The following CCNH variants were observed in gnomAD, a reference collection of about 807,000 sequenced individuals.
The protein encoded by CCNH is cyclin H, also known as cyclin-H.
CCNH carries 31 observed loss-of-function variants against 41.9 expected under a neutral mutation model. The ratio of observed to expected loss-of-function variants is 0.74; its 90% confidence interval spans 0.56 to 1.00. CCNH has a LOEUF of 1.00. Among genes scored for constraint, CCNH ranks in the 50% least tolerant of loss-of-function variants. The pLI is 0.00. For missense variants in CCNH, 362 were observed against 388.4 expected, an observed-to-expected ratio of 0.93 and a Z score of 0.57; for synonymous variants, 138 against 136.1, an observed-to-expected ratio of 1.01 and a Z score of -0.10.
At chr5:87,369,676 TCTG>T in intron 9 of CCNH, 1 of 633,552 alleles carries the variant, frequency 1.6e-6, no homozygotes, top group East Asian at 2.9e-5. Context: ...TTAGTAATGA[TCTG>T]GTACAATGGA....
chr5:87,374,461 T>TA (rs200905236), downstream of CCNH: 1,549 of 151,776 alleles, frequency 0.01, 12 homozygotes, highest in East Asian at 0.061. Context: ...ATATATATAT[T>TA]TTTTTTTTTT....
intron 9 of CCNH, among the ~76,000 whole-genome samples, chr5:87,368,320 C>G (rs894068280): frequency 6.6e-6 from 1 of 151,978 alleles, no homozygotes; most frequent in Non-Finnish European, 1.5e-5. Flanking sequence ...TTTAAAGATA[C>G]AGTTTCTGGC....
chr5:87,411,490 AAT>A, intron 1 of CCNH, 144 bp from the exon 2 acceptor site: 1 of 671,380 alleles, frequency 1.5e-6, no homozygotes, highest in Non-Finnish European at 2.3e-6. Context: ...TAGATTCGCT[AAT>A]CATTACACAA....
At chr5:87,336,768 G>C (rs763186257) in intron 9 of CCNH, among the ~76,000 whole-genome samples, 3 of 151,990 alleles carry the variant, frequency 2.0e-5, no homozygotes, top group Non-Finnish European at 4.4e-5. Context: ...GCTTATTTAG[G>C]TGGTTCTAGA....
At chr5:87,363,769 CTTACT>C (rs1760296170) in intron 9 of CCNH, among the ~76,000 whole-genome samples, 1 of 152,018 alleles carries the variant, frequency 6.6e-6, no homozygotes, top group Non-Finnish European at 1.5e-5. Context: ...TTTTGAGTGA[CTTACT>C]TTGAGTCTTT....
intron 9 of CCNH, among the ~76,000 whole-genome samples, chr5:87,328,675 A>G (rs1757405009): frequency 6.6e-6 from 1 of 152,182 alleles, no homozygotes; most frequent in African/African-American, 2.4e-5. Flanking sequence ...GGGGCTAATT[A>G]GAATATATGA....
At chr5:87,389,263 G>A (rs375342837), downstream of CCNH, 19 of 1,175,528 alleles carry the variant, frequency 1.6e-5, no homozygotes, top group African/African-American at 1.2e-4. Flanking sequence ...CCCGGGAGGC[G>A]GAGGTTGCAG....
At chr5:87,337,710 C>CAATA (rs1454568982) in intron 9 of CCNH, among the ~76,000 whole-genome samples, 1 of 152,008 alleles carries the variant, frequency 6.6e-6, no homozygotes, top group African/African-American at 2.4e-5. Context: ...TTGAATCTAA[C>CAATA]AATAATTCAG....
At chr5:87,373,541 G>A (rs369957115), downstream of CCNH, among the ~76,000 whole-genome samples, 1 of 152,022 alleles carries the variant, frequency 6.6e-6, no homozygotes, top group Admixed American at 6.6e-5. Context: ...ATATTAGAAA[G>A]ATGAGGCTTA....
At chr5:87,371,313 T>C (rs553268223), downstream of CCNH, among the ~76,000 whole-genome samples, 12 of 152,256 alleles carry the variant, frequency 7.9e-5, no homozygotes, top group African/African-American at 2.9e-4. Context: ...GATTTGGTTT[T>C]AATTTGCTGT....
chr5:87,409,409 T>C (rs1259257595), intron 2 of CCNH, 46 bp from the exon 3 acceptor site: 2 of 1,114,564 alleles, frequency 1.8e-6, no homozygotes, highest in South Asian at 1.3e-5. Context: ...TCACAAATGT[T>C]AAATGTTAAA....
chr5:87,360,466 G>T (rs767748086), intron 9 of CCNH, among the ~76,000 whole-genome samples: 2 of 152,114 alleles, frequency 1.3e-5, no homozygotes, highest in Non-Finnish European at 2.9e-5. Flanking sequence ...AGAGTACAGT[G>T]TCCATTGCTC....
downstream of CCNH, among the ~76,000 whole-genome samples, chr5:87,390,294 G>A (rs1762405060): frequency 1.3e-5 from 2 of 152,174 alleles, no homozygotes; most frequent in African/African-American, 4.8e-5. Flanking sequence ...AGTTTCAGGA[G>A]ATAGTGAATG....
At position 87,370,126 on chromosome 5, in the gene CCNH, G is replaced by T. The variant is rs1187493265; in HGVS notation, c.*90+22644C>A. ...AGGAATGAAAACTCCATTTTAAATT[G>T]ACCTTTAAATACTCTATGATGTTGA... On this transcript the variant is annotated intron_variant and NMD_transcript_variant, in intron 9 of 9. Transcript: ENST00000645953. Among the ~76,000 whole-genome samples, 15 of 152,258 alleles carry T rather than the reference G, an allele frequency of 9.9e-5. 1 individual carries two copies. The East Asian group carries it at 2.5e-3, about 25-fold the overall frequency.
upstream of CCNH, chr5:87,377,316 A>G: frequency 2.2e-6 from 1 of 452,542 alleles, no homozygotes; most frequent in South Asian, 2.1e-5. Context: ...ACTGTTTGGC[A>G]TATTTATCTG....
chr5:87,390,972 A>T (rs1281716881), downstream of CCNH: 9 of 1,301,542 alleles, frequency 6.9e-6, no homozygotes, highest in Admixed American at 8.6e-5. Context: ...CTTGCCAAAA[A>T]ATAGCACACT....
At chr5:87,371,002 G>T (rs1760895565) in intron 9 of CCNH, among the ~76,000 whole-genome samples, 1 of 152,026 alleles carries the variant, frequency 6.6e-6, no homozygotes, top group South Asian at 2.1e-4. Flanking sequence ...GATGAGAAAG[G>T]TAGTGCTCAA....
upstream of CCNH, chr5:87,378,279 A>G (rs944201169): frequency 2.0e-5 from 25 of 1,235,526 alleles, no homozygotes; most frequent in Admixed American, 4.3e-4. Flanking sequence ...CGCTGCACGC[A>G]AAAAGCACAT....
downstream of CCNH, chr5:87,394,221 T>C: frequency 8.4e-7 from 1 of 1,189,490 alleles, no homozygotes; most frequent in Non-Finnish European, 1.0e-6. Flanking sequence ...GCAGCTTTAA[T>C]TTGATATTAG....
Sources: allele counts gnomAD v4.1 joint callset (sites outside exome capture counted in the v4.1 genomes callset), GRCh38; gene constraint gnomAD v4.1.1; transcripts MANE v1.5; gene names NCBI Gene and HGNC (gene_info 2026-07-23, HGNC 2026-07-21).